CLSTN2: variants seen among roughly 807,000 people sequenced by gnomAD.
CLSTN2 encodes calsyntenin-2.
CLSTN2 carries 48 observed loss-of-function variants against 101.2 expected under a neutral mutation model. That is an observed-to-expected ratio of 0.47 (90% CI 0.38 to 0.60). The LOEUF is 0.60. CLSTN2 is among the 20% of genes least tolerant of loss of function. The probability of loss-of-function intolerance (pLI) is 0.00; values close to 1 mark genes in which losing one functional copy is unlikely to be tolerated. For missense variants in CLSTN2, 1,160 were observed against 1,238.2 expected (o/e 0.94, Z 0.95); for synonymous variants, 481 against 463.6 (o/e 1.04, Z -0.48).
intron 1 of CLSTN2, among the ~76,000 whole-genome samples, chr3:139,964,115 A>T (rs1329261088): frequency 6.6e-6 from 1 of 152,204 alleles, no homozygotes; most frequent in Non-Finnish European, 1.5e-5. Flanking sequence ...TATTGAATAG[A>T]TTGCTTCCTA....
intron 1 of CLSTN2, among the ~76,000 whole-genome samples, chr3:140,135,040 A>G (rs1431744070): frequency 1.4e-5 from 2 of 146,798 alleles, no homozygotes; most frequent in Non-Finnish European, 3.0e-5. Context: ...AGTGTTTTCA[A>G]GAGGATGTTT....
intron 8 of CLSTN2, among the ~76,000 whole-genome samples, chr3:140,489,135 A>G (rs571821666): frequency 1.0e-3 from 154 of 152,326 alleles, no homozygotes; most frequent in Admixed American, 5.3e-3. Flanking sequence ...AGTCAAGACA[A>G]TGGATACTTT....
At chr3:140,147,291 C>CT (rs1177154126) in intron 1 of CLSTN2, among the ~76,000 whole-genome samples, 1 of 152,210 alleles carries the variant, frequency 6.6e-6, no homozygotes, top group Non-Finnish European at 1.5e-5. Context: ...GACCTTCTTG[C>CT]TTTATGCCCA....
chr3:139,983,708 A>C (rs1935973874), intron 1 of CLSTN2, among the ~76,000 whole-genome samples: 1 of 152,180 alleles, frequency 6.6e-6, no homozygotes. Flanking sequence ...TAATTAAACT[A>C]TGTAATAATT....
intron 2 of CLSTN2, among the ~76,000 whole-genome samples, chr3:140,343,020 A>T (rs1288909832): frequency 5.3e-5 from 8 of 152,152 alleles, no homozygotes; most frequent in Admixed American, 4.6e-4. Context: ...CCCAGACGGG[A>T]GGAGTAGTCA....
chr3:140,576,061 A>G lies in CLSTN2; in HGVS notation c.*9808A>G, dbSNP rs1381269256. On this transcript the variant is annotated 3_prime_UTR_variant, in exon 17 of 17. Coordinates refer to ENST00000458420, the MANE Select transcript of CLSTN2 (RefSeq NM_022131.3). ...TGAAGACCCAGCTTATCACTCCTTC[A>G]TAGAGACTCAGTAGTATGAGTATAC... is the stretch of plus-strand genomic sequence containing the variant. 4 of 152,222 alleles carry G rather than the reference A, an allele frequency of 2.6e-5. No homozygotes were observed. Among genetic ancestry groups the G allele is most frequent in the Admixed American group, 6.5e-5 (1 of 15,280 alleles). 9.4% of individuals were successfully genotyped at this position (152,222 alleles called of 1,614,324 possible).
intron 1 of CLSTN2, among the ~76,000 whole-genome samples, chr3:140,151,387 C>A (rs552401080): frequency 2.6e-5 from 4 of 151,860 alleles, no homozygotes; most frequent in East Asian, 3.9e-4. Context: ...CAGGGAATAC[C>A]CATAACACCT....
At chr3:140,069,009 A>G (rs1046648939) in intron 1 of CLSTN2, among the ~76,000 whole-genome samples, 4 of 152,210 alleles carry the variant, frequency 2.6e-5, no homozygotes, top group Non-Finnish European at 5.9e-5. Context: ...GCCACATAGT[A>G]GGTATTCAAT....
intron 1 of CLSTN2, among the ~76,000 whole-genome samples, chr3:139,974,722 G>A (rs1935781174): frequency 6.6e-6 from 1 of 152,180 alleles, no homozygotes; most frequent in Admixed American, 6.5e-5. Context: ...GGAAAACAAA[G>A]TACAATAATA....
chr3:140,104,845 A>G (rs950862116), intron 1 of CLSTN2, among the ~76,000 whole-genome samples: 1 of 152,180 alleles, frequency 6.6e-6, no homozygotes, highest in Non-Finnish European at 1.5e-5. Context: ...ATGGTGATGC[A>G]TGCATGACTG....
chr3:140,137,654 G>A (rs540072570), intron 1 of CLSTN2, among the ~76,000 whole-genome samples: 14 of 152,256 alleles, frequency 9.2e-5, no homozygotes, highest in Non-Finnish European at 1.3e-4. Flanking sequence ...ACAAAGAAAC[G>A]CAATAATAGT....
chr3:140,368,572 T>A (rs1489717428), intron 2 of CLSTN2, among the ~76,000 whole-genome samples: 1 of 152,182 alleles, frequency 6.6e-6, no homozygotes, highest in Non-Finnish European at 1.5e-5. Context: ...CCCGATCCCC[T>A]GTGGTTTCTC....
At chr3:139,954,955 A>G (rs548133951) in intron 1 of CLSTN2, among the ~76,000 whole-genome samples, 1 of 151,872 alleles carries the variant, frequency 6.6e-6, no homozygotes, top group Admixed American at 6.6e-5. Flanking sequence ...GCCCAGCTTA[A>G]ATGGATGGGA....
At chr3:140,507,057 G>A (rs1934697819) in intron 8 of CLSTN2, 1 of 152,178 alleles carries the variant, frequency 6.6e-6, no homozygotes, top group East Asian at 1.9e-4. Flanking sequence ...CAGATGGGGT[G>A]ATGAGGAACA....
rs1247370621 is a variant in CLSTN2, at chr3:140,403,706, G to A, written c.310G>A (p.Gly104Ser). The change falls in exon 3 of 17, where the codon GGC becomes AGC. Residue 104 changes from glycine to serine, a missense_variant. Transcript: ENST00000458420. The stretch of plus-strand genomic sequence containing the variant: ...GGTGCTCAACAAGACATCAGGAGAG[G>A]GCCGGCTCCGTGCCAAGAGCCCCAT... ...AVVLNKTSGE[G>S]RLRAKSPIDC... 2 of 1,614,170 alleles carry A rather than the reference G, an allele frequency of 1.2e-6. No individual in the cohort carries two copies. The highest frequency in any genetic ancestry group is 1.7e-6 in the Non-Finnish European group (2 of 1,180,010).
At chr3:140,274,136 G>C (rs1337648837) in intron 2 of CLSTN2, among the ~76,000 whole-genome samples, 1 of 152,138 alleles carries the variant, frequency 6.6e-6, no homozygotes, top group Non-Finnish European at 1.5e-5. Context: ...TACCACACAG[G>C]GCTTGGTGCC....
chr3:140,496,242 C>G (rs747785890), intron 8 of CLSTN2, among the ~76,000 whole-genome samples: 16 of 152,044 alleles, frequency 1.1e-4, no homozygotes, highest in Non-Finnish European at 1.0e-4. Context: ...AATGGGAGTT[C>G]CTTAATGATT....
At chr3:140,468,202 A>C (rs566332316) in intron 8 of CLSTN2, among the ~76,000 whole-genome samples, 2 of 152,368 alleles carry the variant, frequency 1.3e-5, no homozygotes, top group South Asian at 4.1e-4. Context: ...TATGTCCTAA[A>C]GTGCCATATG....
At chr3:140,161,418 C>A (rs1325757731) in intron 1 of CLSTN2, among the ~76,000 whole-genome samples, 2 of 152,262 alleles carry the variant, frequency 1.3e-5, no homozygotes, top group East Asian at 3.9e-4. Flanking sequence ...GACAATTATT[C>A]TCCTGACAGC....
Sources: gnomAD v4.1 joint callset for allele counts (sites outside exome capture counted in the v4.1 genomes callset) on GRCh38, gnomAD v4.1.1 for gene constraint, MANE v1.5 for transcripts, NCBI Gene and HGNC (gene_info 2026-07-23, HGNC 2026-07-21) for gene names.